The following CPEB1 variants were observed in gnomAD, a reference collection of about 807,000 sequenced individuals.
CPEB1 encodes cytoplasmic polyadenylation element binding protein 1.
In CPEB1, 7 loss-of-function variants were observed where a neutral mutation model predicts 65.8. That is an observed-to-expected ratio of 0.11 (90% CI 0.06 to 0.20). The LOEUF is 0.20. Among genes scored for constraint, CPEB1 ranks in the 10% least tolerant of loss-of-function variants. The probability of loss-of-function intolerance (pLI) is 1.00; values close to 1 mark genes in which losing one functional copy is unlikely to be tolerated. For synonymous variants in CPEB1, 262 were observed against 260.0 expected, an observed-to-expected ratio of 1.01 and a Z score of -0.08; for missense variants, 551 against 712.2, an observed-to-expected ratio of 0.77 and a Z score of 2.58.
At chr15:82,616,901 T>C (rs937201250) in intron 3 of CPEB1, among the ~76,000 whole-genome samples, 2 of 152,226 alleles carry the variant, frequency 1.3e-5, no homozygotes, top group African/African-American at 4.8e-5. Context: ...AGTGTAGAAT[T>C]TGATATGTTT....
At chr15:82,585,273 A>G (rs2041698676) in intron 3 of CPEB1, among the ~76,000 whole-genome samples, 1 of 152,162 alleles carries the variant, frequency 6.6e-6, no homozygotes, top group Admixed American at 6.5e-5. Flanking sequence ...ATGATGCAAC[A>G]TATCTACGTT....
intron 1 of CPEB1, among the ~76,000 whole-genome samples, chr15:82,632,616 A>G (rs2046354184): frequency 6.6e-6 from 1 of 152,150 alleles, no homozygotes; most frequent in Admixed American, 6.5e-5. Flanking sequence ...CCTGGGCTCA[A>G]GCAATCTTCC....
chr15:82,565,213 T>C (rs1293812466), intron 4 of CPEB1, among the ~76,000 whole-genome samples: 1 of 152,196 alleles, frequency 6.6e-6, no homozygotes, highest in East Asian at 1.9e-4. Context: ...AGTGACCTAA[T>C]TGTACCTCTA....
chr15:82,622,158 G>T (rs2045359430), intron 3 of CPEB1, among the ~76,000 whole-genome samples: 1 of 152,084 alleles, frequency 6.6e-6, no homozygotes, highest in African/African-American at 2.4e-5. Context: ...AGGGAATGTG[G>T]AGAGGGCCCT....
intron 3 of CPEB1, among the ~76,000 whole-genome samples, chr15:82,596,830 A>G (rs1414669702): frequency 1.3e-5 from 2 of 152,190 alleles, no homozygotes; most frequent in Admixed American, 1.3e-4. Flanking sequence ...TCCTCTTGAC[A>G]TATTTAAGTC....
intron 3 of CPEB1, among the ~76,000 whole-genome samples, chr15:82,594,540 C>T (rs1456655000): frequency 6.6e-6 from 1 of 152,132 alleles, no homozygotes; most frequent in Non-Finnish European, 1.5e-5. Flanking sequence ...TCTTCTATCT[C>T]GACTACTCAA....
intron 4 of CPEB1, among the ~76,000 whole-genome samples, chr15:82,561,594 T>C (rs1352376803): frequency 1.3e-5 from 2 of 152,124 alleles, no homozygotes; most frequent in Non-Finnish European, 2.9e-5. Context: ...TTAAAAGGTA[T>C]TTTGGAAAGA....
At chr15:82,587,108 G>C (rs2041867260) in intron 3 of CPEB1, among the ~76,000 whole-genome samples, 1 of 152,092 alleles carries the variant, frequency 6.6e-6, no homozygotes, top group Admixed American at 6.5e-5. Flanking sequence ...TAAAGAAAAT[G>C]GGAATTAAAA....
intron 3 of CPEB1, among the ~76,000 whole-genome samples, chr15:82,586,758 C>A (rs905939103): frequency 5.3e-5 from 8 of 152,220 alleles, no homozygotes; most frequent in Non-Finnish European, 8.8e-5. Flanking sequence ...TGCACATACA[C>A]TCCCCTCTAT....
intron 3 of CPEB1, 191 bp from the exon 4 acceptor site, chr15:82,571,723 C>T: frequency 7.0e-7 from 1 of 1,424,438 alleles, no homozygotes; most frequent in Non-Finnish European, 9.1e-7. Context: ...ATACAGGCCC[C>T]CTCCCCTCAC....
chr15:82,647,481 C>T (rs1391792265), upstream of CPEB1: 12 of 192,526 alleles, frequency 6.2e-5, no homozygotes, highest in Non-Finnish European at 1.3e-4. Flanking sequence ...TCGGGTCTCC[C>T]GTGCGACGGC....
chr15:82,605,190 G>A (rs1056574419), intron 3 of CPEB1, among the ~76,000 whole-genome samples: 45 of 152,230 alleles, frequency 3.0e-4, no homozygotes, highest in African/African-American at 1.0e-3. Flanking sequence ...TAGACAAAAA[G>A]GGAGTTTGTC....
intron 3 of CPEB1, among the ~76,000 whole-genome samples, chr15:82,612,833 C>CA (rs921087856): frequency 5.1e-4 from 72 of 140,990 alleles, no homozygotes; most frequent in Middle Eastern, 3.6e-3. Context: ...GACTCTGTCT[C>CA]AAAAAAAAGA....
At position 82,628,541 on chromosome 15, in the gene CPEB1, T is replaced by C. The variant is rs1178918637; in HGVS notation, c.-82A>G. 7.1e-5 allele frequency: 48 copies of C among 672,990 alleles called. No homozygotes were observed. In the East Asian group the frequency reaches 1.3e-3, roughly 18 times the overall value. 41.7% of individuals were successfully genotyped at this position (672,990 alleles called of 1,614,324 possible). A position where few individuals can be genotyped will look rare whatever the true frequency, so the allele number is the denominator to read the frequency against. On this transcript the variant is annotated 5_prime_UTR_variant, in exon 2 of 13. Transcript: ENST00000684509. ...TCTTTTACAATACAGACCCTTCTAT[T>C]ACACAGGCACTGAAACTAACGCAAA...
At chr15:82,586,912 T>G (rs1009376989) in intron 3 of CPEB1, among the ~76,000 whole-genome samples, 6 of 152,232 alleles carry the variant, frequency 3.9e-5, no homozygotes, top group Non-Finnish European at 8.8e-5. Context: ...CAAGGGATTT[T>G]ATTCATTAGG....
chr15:82,590,165 A>C (rs2042109559), intron 3 of CPEB1, among the ~76,000 whole-genome samples: 1 of 149,730 alleles, frequency 6.7e-6, no homozygotes, highest in Non-Finnish European at 1.5e-5. Flanking sequence ...TGACTAAAAG[A>C]AGTGCAGAAT....
At chr15:82,544,760 G>A in intron 12 of CPEB1, 58 bp from the exon 13 acceptor site, 4 of 1,278,966 alleles carry the variant, frequency 3.1e-6, no homozygotes, top group Non-Finnish European at 4.5e-6. Flanking sequence ...AGACACAGGA[G>A]CTGTTGCACG....
intron 3 of CPEB1, among the ~76,000 whole-genome samples, chr15:82,621,730 A>C (rs1453379606): frequency 6.6e-6 from 1 of 150,574 alleles, no homozygotes; most frequent in Non-Finnish European, 1.5e-5. Context: ...GGTTGTGTTC[A>C]GTTTGGGAAA....
At chr15:82,641,952 T>C (rs2047150279) in intron 1 of CPEB1, among the ~76,000 whole-genome samples, 1 of 152,204 alleles carries the variant, frequency 6.6e-6, no homozygotes, top group African/African-American at 2.4e-5. Context: ...GGAAATTACA[T>C]CTACAATGTG....
Sources: allele counts gnomAD v4.1 joint callset (sites outside exome capture counted in the v4.1 genomes callset), GRCh38; gene constraint gnomAD v4.1.1; transcripts MANE v1.5; gene names NCBI Gene and HGNC (gene_info 2026-07-23, HGNC 2026-07-21).